Variants in RANBP17 observed in about 807,000 individuals in gnomAD.
RANBP17 encodes RAN binding protein 17.
In RANBP17, 158 loss-of-function variants were observed where a neutral mutation model predicts 141.2. The ratio of observed to expected loss-of-function variants is 1.12; its 90% CI spans 0.98 to 1.28. The LOEUF is 1.28. RANBP17 is among the 50% of genes most tolerant of loss of function. The pLI, the probability that RANBP17 is intolerant of heterozygous loss-of-function variation, is 0.00. For synonymous variants in RANBP17, 430 were observed against 450.0 expected (o/e 0.96, Z 0.56); for missense variants, 1,438 against 1,290.7 (o/e 1.11, Z -1.75).
chr5:171,235,814 A>G (rs1764508714), intron 22 of RANBP17, among the ~76,000 whole-genome samples: 1 of 151,914 alleles, frequency 6.6e-6, no homozygotes, highest in South Asian at 2.1e-4. Context: ...GGCTGATCTC[A>G]AGCTACTGGA....
chr5:171,117,353 G>A (rs1479030854), intron 14 of RANBP17, among the ~76,000 whole-genome samples: 1 of 151,964 alleles, frequency 6.6e-6, no homozygotes, highest in African/African-American at 2.4e-5. Flanking sequence ...TTTGATAATA[G>A]CCATCCTAAT....
intron 24 of RANBP17, among the ~76,000 whole-genome samples, chr5:171,264,711 TA>T (rs747065991): frequency 6.6e-6 from 1 of 152,216 alleles, no homozygotes; most frequent in Non-Finnish European, 1.5e-5. Context: ...AGGTCTTTTA[TA>T]AATGGTGAAA....
intron 1 of RANBP17, among the ~76,000 whole-genome samples, chr5:170,875,106 T>G (rs1044993545): frequency 6.6e-6 from 1 of 152,200 alleles, no homozygotes; most frequent in Non-Finnish European, 1.5e-5. Context: ...TGGCCAGATA[T>G]GACATTCTGG....
intron 18 of RANBP17, among the ~76,000 whole-genome samples, chr5:171,197,921 C>T (rs542895791): frequency 1.3e-5 from 2 of 152,288 alleles, no homozygotes; most frequent in Non-Finnish European, 2.9e-5. Flanking sequence ...CGCCTGTAGT[C>T]CTAGCAACTC....
At chr5:171,100,858 C>T (rs1787104529) in intron 14 of RANBP17, among the ~76,000 whole-genome samples, 1 of 152,126 alleles carries the variant, frequency 6.6e-6, no homozygotes, top group Non-Finnish European at 1.5e-5. Context: ...TCGTTATTTA[C>T]CCAGTAGTCA....
At chr5:171,121,468 C>T (rs1223214670) in intron 14 of RANBP17, among the ~76,000 whole-genome samples, 1 of 152,206 alleles carries the variant, frequency 6.6e-6, no homozygotes, top group Non-Finnish European at 1.5e-5. Context: ...ATCTGCAGAG[C>T]TTGGGGTGCT....
At chr5:171,164,418 G>A (rs1314756647) in intron 14 of RANBP17, among the ~76,000 whole-genome samples, 5 of 152,002 alleles carry the variant, frequency 3.3e-5, no homozygotes, top group South Asian at 2.1e-4. Context: ...GTTTATGTCC[G>A]CATCTGTTTT....
intron 25 of RANBP17, among the ~76,000 whole-genome samples, chr5:171,285,377 C>T (rs1016393515): frequency 6.6e-6 from 1 of 152,224 alleles, no homozygotes; most frequent in Non-Finnish European, 1.5e-5. Flanking sequence ...GTACCATGAA[C>T]CAAAAATAAG....
At chr5:171,183,282 A>G (rs531865663) in intron 17 of RANBP17, 40 bp from the exon 18 acceptor site, 12 of 1,580,166 alleles carry the variant, frequency 7.6e-6, no homozygotes, top group Non-Finnish European at 1.0e-5. Flanking sequence ...TAGTTGAGGT[A>G]AAGTGTTAGT....
chr5:171,202,375 A>T (rs1005730637), intron 19 of RANBP17, among the ~76,000 whole-genome samples: 7 of 152,190 alleles, frequency 4.6e-5, no homozygotes, highest in African/African-American at 1.7e-4. Flanking sequence ...TTTGGTCATG[A>T]CATCATCAGT....
At chr5:170,922,480 T>G (rs1297148007) in intron 11 of RANBP17, among the ~76,000 whole-genome samples, 1 of 152,004 alleles carries the variant, frequency 6.6e-6, no homozygotes, top group Non-Finnish European at 1.5e-5. Flanking sequence ...CTCTGCCCAG[T>G]CTGTGCTTTG....
At chr5:170,994,092 G>C (rs1238264618) in intron 14 of RANBP17, among the ~76,000 whole-genome samples, 2 of 151,844 alleles carry the variant, frequency 1.3e-5, no homozygotes, top group African/African-American at 4.8e-5. Flanking sequence ...ATACAGTCTG[G>C]GAAATGCTAT....
intron 24 of RANBP17, among the ~76,000 whole-genome samples, chr5:171,246,529 G>A (rs1561797368): frequency 6.6e-6 from 1 of 152,132 alleles, no homozygotes; most frequent in Non-Finnish European, 1.5e-5. Context: ...TTTGGCAGGA[G>A]GGCAAATTCT....
intron 1 of RANBP17, among the ~76,000 whole-genome samples, chr5:170,869,157 A>C (rs1767501347): frequency 6.6e-6 from 1 of 152,178 alleles, no homozygotes; most frequent in African/African-American, 2.4e-5. Context: ...GTTGATTTAA[A>C]TACTATGTAA....
At chr5:171,295,054 C>T (rs1352552144) in intron 26 of RANBP17, among the ~76,000 whole-genome samples, 1 of 152,178 alleles carries the variant, frequency 6.6e-6, no homozygotes, top group Non-Finnish European at 1.5e-5. Flanking sequence ...ATTAGTCTGA[C>T]TACATATTAA....
At chr5:170,886,159 A>G (rs1769123512) in intron 3 of RANBP17, among the ~76,000 whole-genome samples, 2 of 152,136 alleles carry the variant, frequency 1.3e-5, no homozygotes, top group Admixed American at 1.3e-4. Context: ...CCCCTAATTC[A>G]GAGGCTAAAT....
At chr5:171,229,953 T>C (rs1764109050) in intron 22 of RANBP17, among the ~76,000 whole-genome samples, 1 of 151,480 alleles carries the variant, frequency 6.6e-6, no homozygotes, top group Non-Finnish European at 1.5e-5. Context: ...TAACCCCAGC[T>C]ACTCAGGAGG....
At chr5:170,934,713 C>T (rs1196293317) in intron 12 of RANBP17, among the ~76,000 whole-genome samples, 1 of 152,178 alleles carries the variant, frequency 6.6e-6, no homozygotes, top group East Asian at 1.9e-4. Context: ...GGTAACCCGA[C>T]CTTTCTCTCT....
chr5:170,922,869 T>G (rs962332493), intron 11 of RANBP17, among the ~76,000 whole-genome samples: 9 of 152,128 alleles, frequency 5.9e-5, no homozygotes, highest in Admixed American at 5.9e-4. Flanking sequence ...TGTACCTCAG[T>G]TAGAAATGCA....
Sources: gnomAD v4.1 joint callset for allele counts (sites outside exome capture counted in the v4.1 genomes callset) on GRCh38, gnomAD v4.1.1 for gene constraint, MANE v1.5 for transcripts, NCBI Gene and HGNC (gene_info 2026-07-23, HGNC 2026-07-21) for gene names.